Variants in RUNX3 observed in about 807,000 individuals in gnomAD.
RUNX3 encodes the protein runt-related transcription factor 3.
A neutral mutation model predicts 27.7 loss-of-function variants in RUNX3; 10 were observed. The ratio of observed to expected loss-of-function variants is 0.36; its 90% CI spans 0.22 to 0.61. The LOEUF (loss-of-function observed/expected upper bound fraction) is 0.61. Among genes scored for constraint, RUNX3 ranks in the 20% least tolerant of loss-of-function variants. The pLI, the probability that RUNX3 is intolerant of heterozygous loss-of-function variation, is 0.72. For synonymous variants in RUNX3, 270 were observed against 269.2 expected (o/e 1.00, Z -0.03); for missense variants, 469 against 629.5 (o/e 0.75, Z 2.73).
In RUNX3 at chr1:24,927,448, C is replaced by A; in HGVS notation, c.439+126G>T. 1.2e-6 allele frequency: 1 copy of A among 852,618 alleles called. No homozygotes were observed. Among genetic ancestry groups the A allele is most frequent in the Non-Finnish European group, 1.9e-6 (1 of 523,270 alleles). The allele number at this position is 852,618 out of a possible 1,614,324, so 52.8% of individuals were successfully genotyped here. ...TAATATCCTACAGGATTACAAATTGCTGTTTTTAGACAGAGCTGCATCTGG... is the reference window on the plus strand; with the variant it reads ...TAATATCCTACAGGATTACAAATTGATGTTTTTAGACAGAGCTGCATCTGG... On this transcript the variant is annotated intron_variant, in intron 2 of 4. Coordinates refer to ENST00000308873, the MANE Select transcript of RUNX3 (RefSeq NM_004350.3). This position sits in a 1 kb window ranked among gnomAD's most constrained non-coding sequence, Gnocchi z 5.0.
intron 2 of RUNX3, among the ~76,000 whole-genome samples, chr1:24,952,430 C>T (rs906182128): frequency 6.6e-6 from 1 of 152,230 alleles, no homozygotes; most frequent in African/African-American, 2.4e-5. Context: ...CTGACAAGTC[C>T]TGCAGCAAAA....
intron 2 of RUNX3, among the ~76,000 whole-genome samples, chr1:24,922,440 T>C (rs1641017730): frequency 6.6e-6 from 1 of 152,168 alleles, no homozygotes; most frequent in Non-Finnish European, 1.5e-5. Context: ...AGTACGAGCG[T>C]AGGCAACAAA....
At chr1:24,949,451 G>C (rs1237642675) in intron 2 of RUNX3, among the ~76,000 whole-genome samples, 1 of 152,138 alleles carries the variant, frequency 6.6e-6, no homozygotes, top group African/African-American at 2.4e-5. Context: ...ACCCTGCCCA[G>C]CACCCACACC....
At chr1:24,928,537 G>T (rs1009383866) in intron 1 of RUNX3, among the ~76,000 whole-genome samples, 4 of 152,296 alleles carry the variant, frequency 2.6e-5, no homozygotes, top group East Asian at 1.9e-4. Context: ...GATCCATATG[G>T]TAAAAATTTC....
At chr1:24,911,862 G>A (rs1163477409) in intron 3 of RUNX3, among the ~76,000 whole-genome samples, 4 of 152,200 alleles carry the variant, frequency 2.6e-5, no homozygotes, top group Non-Finnish European at 5.9e-5. Context: ...CGGAACCCAC[G>A]CTCCCACCAC....
intron 2 of RUNX3, 128 bp from the exon 3 acceptor site, chr1:24,919,472 A>T: frequency 1.7e-6 from 1 of 603,124 alleles, no homozygotes; most frequent in Non-Finnish European, 2.9e-6. Context: ...CTCTTTGAAC[A>T]TGGGCAGAAG....
At position 24,900,386 on chromosome 1, in the gene RUNX3, T is replaced by C. The variant is rs1640513921; in HGVS notation, c.*1736A>G. On this transcript the variant is annotated 3_prime_UTR_variant, in exon 5 of 5. Coordinates refer to ENST00000308873, the MANE Select transcript of RUNX3 (RefSeq NM_004350.3). ...CAGAGACAACCAATGAAGAGCATTT[T>C]GTAGGGCAGATTTCTGCATCCACAG... is the stretch of plus-strand genomic sequence containing the variant. The C allele has an allele frequency of 6.6e-6, 1 of 152,398 alleles. No homozygotes were observed. The highest frequency in any genetic ancestry group is 2.4e-5 in the African/African-American group (1 of 41,454). The allele number at this position is 152,398 out of a possible 1,614,324, so 9.4% of individuals were successfully genotyped here. A position where few individuals can be genotyped will look rare whatever the true frequency, so the allele number is the denominator to read the frequency against.
At chr1:24,955,027 A>G (rs1641879918) in intron 2 of RUNX3, among the ~76,000 whole-genome samples, 1 of 152,130 alleles carries the variant, frequency 6.6e-6, no homozygotes, top group African/African-American at 2.4e-5. Flanking sequence ...CACAGGACCC[A>G]TAAACCTTCC....
intron 2 of RUNX3, among the ~76,000 whole-genome samples, chr1:24,945,087 A>G (rs1344748865): frequency 6.6e-6 from 1 of 152,160 alleles, no homozygotes; most frequent in Admixed American, 6.5e-5. Flanking sequence ...GAGGGCAGGG[A>G]TTTTTTGCTT....
In RUNX3 at chr1:24,957,240, A is replaced by G. The variant is rs1248062380; in HGVS notation, c.58+7274T>C. ...GACCGGAGTGCTCAGGCTCGCGCCA[A>G]CAAGTGTTTCAAAGAAGAAGCCAGA... On this transcript the variant is annotated intron_variant, in intron 2 of 6. Transcript: ENST00000338888. 4.6e-5 allele frequency among the ~76,000 whole-genome samples: 7 copies of G among 152,232 alleles called. No individual in the cohort carries two copies. The East Asian group carries it at 1.3e-3, about 29-fold the overall frequency.
At chr1:24,928,850 C>T (rs1641151217) in intron 1 of RUNX3, 3 of 349,802 alleles carry the variant, frequency 8.6e-6, no homozygotes, top group Middle Eastern at 9.8e-4. Context: ...AGCCGCCGGC[C>T]CTTCCTGCCC....
chr1:24,953,387 AAAGAAAAG>A (rs1641823938), intron 2 of RUNX3, among the ~76,000 whole-genome samples: 1 of 149,884 alleles, frequency 6.7e-6, no homozygotes. Context: ...AAAGAAAAGA[AAAGAAAAG>A]AAAAATGAAA....
intron 2 of RUNX3, among the ~76,000 whole-genome samples, chr1:24,951,415 C>T (rs1339070138): frequency 2.6e-5 from 4 of 152,126 alleles, no homozygotes; most frequent in Non-Finnish European, 5.9e-5. Flanking sequence ...CAAGTACCTT[C>T]TGCATGGGCC....
At chr1:24,934,867 G>A (rs983039726), upstream of RUNX3, among the ~76,000 whole-genome samples, 3 of 152,158 alleles carry the variant, frequency 2.0e-5, no homozygotes, top group Admixed American at 2.0e-4. Context: ...GGTAAATCCT[G>A]CTAAGCAGCC....
chr1:24,924,843 C>T (rs1049389869), intron 2 of RUNX3, among the ~76,000 whole-genome samples: 1 of 152,176 alleles, frequency 6.6e-6, no homozygotes, highest in Non-Finnish European at 1.5e-5. Context: ...TCGTGTCTGG[C>T]AGGGCAGGGA....
chr1:24,963,320 G>T (rs1642168966), intron 2 of RUNX3, among the ~76,000 whole-genome samples: 1 of 152,188 alleles, frequency 6.6e-6, no homozygotes, highest in South Asian at 2.1e-4. Context: ...TGAATCACTC[G>T]GTCAGCCAGC....
chr1:24,908,438 G>T (rs1640729042), intron 3 of RUNX3, among the ~76,000 whole-genome samples: 1 of 152,100 alleles, frequency 6.6e-6, no homozygotes, highest in African/African-American at 2.4e-5. Context: ...GTTGAACCCA[G>T]GAGTTTGAGA....
chr1:24,959,702 G>T (rs998811802), intron 2 of RUNX3, among the ~76,000 whole-genome samples: 1 of 152,132 alleles, frequency 6.6e-6, no homozygotes, highest in African/African-American at 2.4e-5. Flanking sequence ...CTCCCTGTCC[G>T]GTGACCTCTG....
Position 24,901,803 on chromosome 1 carries a change from T to C in RUNX3, c.*319A>G, listed in dbSNP as rs1165567502. 2.8e-6 allele frequency: 1 copy of C among 353,254 alleles called. No individual in the cohort carries two copies. The highest frequency in any genetic ancestry group is 5.2e-6 in the Non-Finnish European group (1 of 193,130). The allele number at this position is 353,254 out of a possible 1,614,324, so 21.9% of individuals were successfully genotyped here. A position where few individuals can be genotyped will look rare whatever the true frequency, so the allele number is the denominator to read the frequency against. On this transcript the variant is annotated 3_prime_UTR_variant, in exon 5 of 5. Transcript: ENST00000308873. ...AGGAGACATGGGTCCCATGCAGCAC[T>C]GGGCATAGCTGGAGACAGTGAGGTC...
Sources: allele counts gnomAD v4.1 joint callset (sites outside exome capture counted in the v4.1 genomes callset), GRCh38; gene constraint gnomAD v4.1.1; non-coding constraint Gnocchi (gnomAD v3.1); transcripts MANE v1.5; gene names NCBI Gene and HGNC (gene_info 2026-07-23, HGNC 2026-07-21).